FAT3: variants seen among roughly 807,000 people sequenced by gnomAD.
FAT3 encodes the protein FAT atypical cadherin 3.
A neutral mutation model predicts 310.2 loss-of-function variants in FAT3; 95 were observed. That is an observed-to-expected ratio of 0.31 (90% CI 0.26 to 0.36). FAT3 has a LOEUF of 0.36. Among genes scored for constraint, FAT3 ranks in the 10% least tolerant of loss-of-function variants. The probability of loss-of-function intolerance (pLI) is 1.00; values close to 1 mark genes in which losing one functional copy is unlikely to be tolerated. For missense variants in FAT3, 5,408 were observed against 5,715.6 expected (o/e 0.95, Z 1.74); for synonymous variants, 2,314 against 2,192.9 (o/e 1.06, Z -1.54).
chr11:92,411,438 A>G (rs1247451134), intron 2 of FAT3, among the ~76,000 whole-genome samples: 1 of 151,978 alleles, frequency 6.6e-6, no homozygotes, highest in Non-Finnish European at 1.5e-5. Flanking sequence ...GATTGTGTCT[A>G]GTTCATTGCT....
intron 4 of FAT3, among the ~76,000 whole-genome samples, chr11:92,732,336 T>C (rs973437668): frequency 6.6e-6 from 1 of 152,184 alleles, no homozygotes; most frequent in Non-Finnish European, 1.5e-5. Flanking sequence ...TCAATGCTCC[T>C]GGAAGTGGGA....
At chr11:92,458,996 T>G (rs1951570128) in intron 2 of FAT3, among the ~76,000 whole-genome samples, 1 of 152,188 alleles carries the variant, frequency 6.6e-6, no homozygotes. Context: ...TATAATGTGT[T>G]AAGAAAATTG....
At chr11:92,345,570 G>A (rs1308221538) in intron 1 of FAT3, among the ~76,000 whole-genome samples, 1 of 152,164 alleles carries the variant, frequency 6.6e-6, no homozygotes, top group Non-Finnish European at 1.5e-5. Context: ...GCCTTATGAT[G>A]GTTCTGATGG....
intron 21 of FAT3, among the ~76,000 whole-genome samples, chr11:92,864,685 C>T (rs546799639): frequency 7.2e-5 from 11 of 152,150 alleles, no homozygotes; most frequent in South Asian, 2.1e-4. Context: ...GGCATGGTGG[C>T]GCTTGCCTGT....
chr11:92,598,805 CT>C (rs1939858073), intron 3 of FAT3, among the ~76,000 whole-genome samples: 1 of 152,144 alleles, frequency 6.6e-6, no homozygotes, highest in Admixed American at 6.6e-5. Flanking sequence ...CTTTCTGTCC[CT>C]CAGTTTCTCC....
rs71064722 is a variant in FAT3, at chr11:92,754,627, C to CAAAAAAAAA, written c.3670-7219_3670-7211dup. 4.0e-4 allele frequency among the ~76,000 whole-genome samples: 13 copies of CAAAAAAAAA among 32,710 alleles called. 1 individual carries two copies. The highest frequency in any genetic ancestry group is 1.2e-3 in the African/African-American group (5 of 4,342). 21.5% of individuals were successfully genotyped at this position (32,710 alleles called of 152,430 possible). A position where few individuals can be genotyped will look rare whatever the true frequency, so the allele number is the denominator to read the frequency against. On this transcript the variant is annotated intron_variant, in intron 4 of 27. Coordinates refer to ENST00000525166, the MANE Select transcript of FAT3 (RefSeq NM_001367949.2). ...TGGGCGACAGAGGAAGACTCTGCCTCAAAAAAAAAAAAAAAAAAGGAGATA... is the reference window on the plus strand; with the variant it reads ...TGGGCGACAGAGGAAGACTCTGCCTCAAAAAAAAAAAAAAAAAAAAAAAAAAAGGAGATA...
At chr11:92,594,710 T>G (rs1185808418) in intron 3 of FAT3, among the ~76,000 whole-genome samples, 1 of 152,144 alleles carries the variant, frequency 6.6e-6, no homozygotes, top group Non-Finnish European at 1.5e-5. Flanking sequence ...TATTAATTAT[T>G]CGTAACTCGG....
chr11:92,345,445 G>A (rs549581096), intron 1 of FAT3, among the ~76,000 whole-genome samples: 1 of 152,282 alleles, frequency 6.6e-6, no homozygotes, highest in South Asian at 2.1e-4. Flanking sequence ...TCAAAGTGGG[G>A]TCCCAGGACC....
intron 2 of FAT3, among the ~76,000 whole-genome samples, chr11:92,447,215 ATGTGTGCG>A (rs1306394556): frequency 4.9e-5 from 6 of 123,010 alleles, no homozygotes; most frequent in Admixed American, 2.9e-4. Context: ...GTGTATGTAT[ATGTGTGCG>A]TGTGTGTGTG....
At chr11:92,741,763 G>T (rs567127221) in intron 4 of FAT3, among the ~76,000 whole-genome samples, 81 of 152,136 alleles carry the variant, frequency 5.3e-4, no homozygotes, top group African/African-American at 1.9e-3. Flanking sequence ...TTTCCCCAGG[G>T]ACTTGAATTT....
intron 3 of FAT3, among the ~76,000 whole-genome samples, chr11:92,611,068 C>T (rs916278138): frequency 6.6e-6 from 1 of 152,050 alleles, no homozygotes; most frequent in African/African-American, 2.4e-5. Context: ...TTCCCTAGTT[C>T]AGGGAAAAAT....
In FAT3 at chr11:92,352,901, C is replaced by T. The variant is rs777706115; in HGVS notation, c.789C>T (p.Ala263=). The T allele has an allele frequency of 1.2e-6, 2 of 1,613,662 alleles. No individual in the cohort carries two copies. Among genetic ancestry groups the T allele is most frequent in the South Asian group, 1.1e-5 (1 of 91,028 alleles). Residue 263 remains alanine, a synonymous_variant, in exon 2 of 28, where the codon GCC becomes GCT. Transcript: ENST00000525166. ...YVHIERINEH[A]PTIHVVTHVP... Reference sequence around the variant, plus strand: ...ACATTGAGCGCATAAATGAACATGCCCCAACAATCCATGTAGTCACTCATG... The same window carrying T: ...ACATTGAGCGCATAAATGAACATGCTCCAACAATCCATGTAGTCACTCATG...
intron 2 of FAT3, among the ~76,000 whole-genome samples, chr11:92,420,154 A>G (rs899064609): frequency 6.6e-6 from 1 of 152,236 alleles, no homozygotes; most frequent in African/African-American, 2.4e-5. Flanking sequence ...TAGTTGGCAC[A>G]GAGACCATCT....
At chr11:92,482,976 G>A (rs1328864785) in intron 2 of FAT3, among the ~76,000 whole-genome samples, 1 of 152,172 alleles carries the variant, frequency 6.6e-6, no homozygotes, top group Admixed American at 6.5e-5. Context: ...GAAGGGAAAG[G>A]CAAGAAAAAT....
intron 1 of FAT3, among the ~76,000 whole-genome samples, chr11:92,346,916 C>T (rs1258513789): frequency 6.6e-6 from 1 of 152,054 alleles, no homozygotes; most frequent in Non-Finnish European, 1.5e-5. Context: ...AAATTTTACT[C>T]CCTGTCTTGT....
At chr11:92,853,708 G>A (rs1948893404) in intron 19 of FAT3, among the ~76,000 whole-genome samples, 1 of 152,182 alleles carries the variant, frequency 6.6e-6, no homozygotes, top group African/African-American at 2.4e-5. Flanking sequence ...TCAGCAGAAA[G>A]GAGACCCACA....
intron 17 of FAT3, among the ~76,000 whole-genome samples, chr11:92,840,329 A>C (rs1948505956): frequency 6.6e-6 from 1 of 152,182 alleles, no homozygotes. Context: ...ATTGTCCCAT[A>C]GGTGGTTGTG....
At chr11:92,723,265 A>G (rs1944913522) in intron 4 of FAT3, among the ~76,000 whole-genome samples, 1 of 152,196 alleles carries the variant, frequency 6.6e-6, no homozygotes, top group African/African-American at 2.4e-5. Flanking sequence ...AGTTCCACAT[A>G]TCTTTAGGGC....
intron 2 of FAT3, among the ~76,000 whole-genome samples, chr11:92,482,126 A>T (rs1465439763): frequency 6.6e-6 from 1 of 152,122 alleles, no homozygotes; most frequent in African/African-American, 2.4e-5. Flanking sequence ...ATGTCAGTAC[A>T]CATAGATTTC....
Sources: gnomAD v4.1 joint callset for allele counts (sites outside exome capture counted in the v4.1 genomes callset) on GRCh38, gnomAD v4.1.1 for gene constraint, MANE v1.5 for transcripts, NCBI Gene and HGNC (gene_info 2026-07-23, HGNC 2026-07-21) for gene names.